CDHR3: variants seen among roughly 807,000 people sequenced by gnomAD.
CDHR3 encodes the protein cadherin-related family member 3.
Under a neutral mutation model 86.6 loss-of-function variants are expected in CDHR3, and 79 were observed. That is an observed-to-expected ratio of 0.91 (90% confidence interval 0.76 to 1.10). The LOEUF is 1.10. Ranked by LOEUF, CDHR3 falls within the 50% of genes least tolerant of loss-of-function variation. The pLI is 0.00. For synonymous variants in CDHR3, 421 were observed against 402.4 expected, an observed-to-expected ratio of 1.05 and a Z score of -0.55; for missense variants, 1,081 against 1,077.6, an observed-to-expected ratio of 1.00 and a Z score of -0.04.
chr7:105,994,631 C>A (rs57656467), intron 4 of CDHR3, 120 bp from the exon 5 acceptor site: 1 of 723,060 alleles, frequency 1.4e-6, no homozygotes, highest in Non-Finnish European at 2.5e-6. Context: ...GAACCGCATC[C>A]TGATGCATCG....
At chr7:105,980,636 T>A in intron 2 of CDHR3, among the ~76,000 whole-genome samples, 1 of 147,414 alleles carries the variant, frequency 6.8e-6, no homozygotes, top group Admixed American at 6.8e-5. Context: ...TTTTTTTTTT[T>A]TTATTATACT....
At chr7:105,977,348 C>A (rs1018133946) in intron 2 of CDHR3, among the ~76,000 whole-genome samples, 3 of 152,180 alleles carry the variant, frequency 2.0e-5, no homozygotes, top group African/African-American at 7.2e-5. Flanking sequence ...CTTCAAGGGA[C>A]CTGCTCTTCC....
At chr7:106,028,916 T>TTTTCTTTCTTTCTTTCTCTC (rs1837801433) in intron 17 of CDHR3, among the ~76,000 whole-genome samples, 1 of 82,998 alleles carries the variant, frequency 1.2e-5, no homozygotes, top group Non-Finnish European at 2.6e-5. Flanking sequence ...GAGATTTAAA[T>TTTTCTTTCTTTCTTTCTCTC]TTTCTTTCTT....
At chr7:106,008,654 T>C (rs1834311465) in intron 8 of CDHR3, among the ~76,000 whole-genome samples, 1 of 152,292 alleles carries the variant, frequency 6.6e-6, no homozygotes, top group Middle Eastern at 3.4e-3. Context: ...GTAGTTAGGA[T>C]TGTGACTTCC....
At chr7:106,018,580 A>T (rs993378518) in intron 12 of CDHR3, among the ~76,000 whole-genome samples, 1 of 152,120 alleles carries the variant, frequency 6.6e-6, no homozygotes, top group Non-Finnish European at 1.5e-5. Flanking sequence ...TGACAAAAGC[A>T]CTAAAGTTGT....
At chr7:106,015,573 C>T (rs1835483865) in intron 10 of CDHR3, among the ~76,000 whole-genome samples, 1 of 152,078 alleles carries the variant, frequency 6.6e-6, no homozygotes, top group African/African-American at 2.4e-5. Context: ...GGGCAAACAG[C>T]TTGAAGTTTT....
intron 2 of CDHR3, among the ~76,000 whole-genome samples, chr7:105,978,332 C>T (rs1397621914): frequency 2.0e-5 from 3 of 152,164 alleles, no homozygotes; most frequent in Non-Finnish European, 4.4e-5. Flanking sequence ...TCTCTGAAGT[C>T]CTGTGGAGGC....
chr7:106,018,187 G>T (rs191894071), intron 12 of CDHR3, 115 bp downstream of exon 12: 26 of 751,220 alleles, frequency 3.5e-5, no homozygotes, highest in Non-Finnish European at 5.6e-5. Context: ...TACATCCTGC[G>T]GATGTGGTGA....
intron 5 of CDHR3, 60 bp from the exon 6 acceptor site, chr7:105,996,190 C>A: frequency 1.1e-6 from 1 of 902,724 alleles, no homozygotes; most frequent in Non-Finnish European, 1.8e-6. Context: ...TTTTCCCCAT[C>A]CTATTTTGAA....
Position 106,030,804 on chromosome 7 carries a change from A to T in CDHR3, c.2317A>T (p.Met773Leu). Residue 773 changes from methionine to leucine, a missense_variant, in exon 18 of 19, where the codon ATG (methionine) becomes TTG (leucine). Physicochemically the swap from Met to Leu is conservative, Grantham distance 15. Coordinates refer to ENST00000317716, the MANE Select transcript of CDHR3 (RefSeq NM_152750.5). The surrounding 1 kb of genome is among the most constrained non-coding windows in gnomAD (Gnocchi z 4.8). ...ERDVVVETIQ[M>L]NTIFDGEAID... Reference sequence around the variant, plus strand: ...GTCTTCTCCTTAGGAAACTATCCAGATGAACACTATCTTTGATGGAGAAGC... The same window carrying T: ...GTCTTCTCCTTAGGAAACTATCCAGTTGAACACTATCTTTGATGGAGAAGC... 1.2e-6 allele frequency: 2 copies of T among 1,611,638 alleles called. No individual in the cohort carries two copies. The highest frequency in any genetic ancestry group is 1.7e-6 in the Non-Finnish European group (2 of 1,178,942).
intron 4 of CDHR3, among the ~76,000 whole-genome samples, chr7:105,990,209 C>T (rs557483064): frequency 1.5e-4 from 23 of 152,268 alleles, no homozygotes; most frequent in South Asian, 6.2e-4. Context: ...GCAGCTTTAT[C>T]GGTGAAGGAT....
At chr7:105,994,652 A>G (rs1177725650) in intron 4 of CDHR3, 99 bp from the exon 5 acceptor site, 3 of 837,826 alleles carry the variant, frequency 3.6e-6, no homozygotes, top group South Asian at 1.5e-5. Flanking sequence ...AGAACGTTCC[A>G]TGGGCTAAGA....
intron 15 of CDHR3, among the ~76,000 whole-genome samples, chr7:106,025,721 G>A (rs1837250643): frequency 6.6e-6 from 1 of 152,144 alleles, no homozygotes; most frequent in African/African-American, 2.4e-5. Flanking sequence ...AAAGTACAAG[G>A]CATTAGAATA....
intron 11 of CDHR3, among the ~76,000 whole-genome samples, chr7:106,017,538 G>A (rs1036451760): frequency 1.7e-4 from 25 of 149,962 alleles, no homozygotes; most frequent in African/African-American, 5.4e-4. Flanking sequence ...CAGCCTGGGC[G>A]ACAGAGTGAG....
chr7:106,015,755 CT>C, intron 10 of CDHR3, 171 bp from the exon 11 acceptor site: 1 of 665,154 alleles, frequency 1.5e-6, no homozygotes. Flanking sequence ...TGCTCATGCG[CT>C]TATCAAAGGG....
chr7:105,987,295 A>T (rs560276257), intron 4 of CDHR3, among the ~76,000 whole-genome samples: 1 of 152,318 alleles, frequency 6.6e-6, no homozygotes, highest in Non-Finnish European at 1.5e-5. Context: ...GGGGGTACTC[A>T]GAGTTGCAGC....
At chr7:106,022,587 G>A (rs774078916) in intron 14 of CDHR3, 139 bp downstream of exon 14, 87 of 1,272,750 alleles carry the variant, frequency 6.8e-5, no homozygotes, top group Non-Finnish European at 7.5e-5. Flanking sequence ...GGCAACCATG[G>A]GCTGGACTGG....
intron 16 of CDHR3, among the ~76,000 whole-genome samples, chr7:106,027,178 C>T (rs966637881): frequency 1.3e-5 from 2 of 152,048 alleles, no homozygotes; most frequent in African/African-American, 2.4e-5. Flanking sequence ...GGGTGGATCA[C>T]AAGGTCAGGA....
Position 105,973,421 on chromosome 7 carries a change from G to A in CDHR3, c.47-1423G>A, listed in dbSNP as rs529304871. Among the ~76,000 whole-genome samples the A allele has an allele frequency of 2.6e-5, 4 of 152,282 alleles. No homozygotes were observed. The East Asian group carries it at 7.7e-4, about 29-fold the overall frequency. On this transcript the variant is annotated intron_variant, in intron 1 of 18. Coordinates refer to ENST00000317716, the MANE Select transcript of CDHR3 (RefSeq NM_152750.5). ...CCAAAAGTCTGCAATCAAGGTGTTG[G>A]CAGTGTTGGTTCCTGCTGGGGGCTC...
Sources: gnomAD v4.1 joint callset for allele counts (sites outside exome capture counted in the v4.1 genomes callset) on GRCh38, gnomAD v4.1.1 for gene constraint, Gnocchi (gnomAD v3.1) non-coding constraint, MANE v1.5 for transcripts, NCBI Gene and HGNC (gene_info 2026-07-23, HGNC 2026-07-21) for gene names.